Variants in BCL11B observed in about 807,000 individuals in gnomAD.
The protein encoded by BCL11B is BCL11 transcription factor B, also known as B-cell lymphoma/leukemia 11B.
BCL11B carries 8 observed loss-of-function variants against 49.9 expected under a neutral mutation model. That is an observed-to-expected ratio of 0.16 (90% CI 0.09 to 0.29). The LOEUF (loss-of-function observed/expected upper bound fraction) is 0.29, where lower values mean the gene tolerates loss of function less well. Among genes scored for constraint, BCL11B ranks in the 10% least tolerant of loss-of-function variants. BCL11B has a pLI of 1.00. For synonymous variants in BCL11B, 739 were observed against 637.4 expected (o/e 1.16, Z -2.40); for missense variants, 1,006 against 1,351.0 (o/e 0.74, Z 4.00).
At chr14:99,260,074 G>A (rs187863618) in intron 1 of BCL11B, among the ~76,000 whole-genome samples, 21 of 152,280 alleles carry the variant, frequency 1.4e-4, no homozygotes, top group South Asian at 6.2e-4. Flanking sequence ...TGTATTGTGC[G>A]CCATTTTTAC....
At chr14:99,199,190 T>C (rs1052491902) in intron 3 of BCL11B, among the ~76,000 whole-genome samples, 1 of 152,336 alleles carries the variant, frequency 6.6e-6, no homozygotes, top group East Asian at 1.9e-4. Flanking sequence ...TAATAAAAAC[T>C]GCTACAAACC....
At position 99,170,308 on chromosome 14, in the gene BCL11B, T is replaced by C; in HGVS notation, c.*3843A>G. On this transcript the variant is annotated 3_prime_UTR_variant, in exon 4 of 4. Transcript: ENST00000357195. ...TAAGTGGCAAGGAGGAAAGAGTGCA[T>C]CGAACAGAAAAGCTTCTGCATTTGG... The C allele has an allele frequency of 4.5e-6, 1 of 220,866 alleles. No individual in the cohort carries two copies. The highest frequency in any genetic ancestry group is 9.1e-6 in the Non-Finnish European group (1 of 110,238). The allele number at this position is 220,866 out of a possible 1,614,324, so 13.7% of individuals were successfully genotyped here. A position where few individuals can be genotyped will look rare whatever the true frequency, so the allele number is the denominator to read the frequency against.
chr14:99,263,334 C>CAT (rs1889391609), intron 1 of BCL11B: 1 of 153,324 alleles, frequency 6.5e-6, no homozygotes, highest in Non-Finnish European at 1.5e-5. Context: ...CCTCGATCGC[C>CAT]GTTTCTGACA....
At chr14:99,269,850 G>A (rs1266182269) in intron 1 of BCL11B, among the ~76,000 whole-genome samples, 2 of 112,332 alleles carry the variant, frequency 1.8e-5, no homozygotes, top group East Asian at 3.1e-4. Flanking sequence ...ATGGCACCCA[G>A]AGGATGTTTT....
Position 99,170,477 on chromosome 14 carries a change from T to A in BCL11B, c.*3674A>T, listed in dbSNP as rs1439282502. 1 of 228,018 alleles carries A rather than the reference T, an allele frequency of 4.4e-6. No individual in the cohort carries two copies. The highest frequency in any genetic ancestry group is 6.3e-5 in the East Asian group (1 of 15,890). The allele number at this position is 228,018 out of a possible 1,614,324, so 14.1% of individuals were successfully genotyped here. On this transcript the variant is annotated 3_prime_UTR_variant, in exon 4 of 4. Transcript: ENST00000357195. ...ATTCCCTCATCCAAAAGACCACCAC[T>A]TTATCTTAAAGCTACTTGGCTTTAC...
At chr14:99,200,895 G>GTCCACA (rs1887360818) in intron 3 of BCL11B, among the ~76,000 whole-genome samples, 1 of 152,206 alleles carries the variant, frequency 6.6e-6, no homozygotes, top group Non-Finnish European at 1.5e-5. Flanking sequence ...AAACTGCATG[G>GTCCACA]GAAGCAGCCC....
chr14:99,190,338 A>C (rs1213021919), intron 3 of BCL11B, among the ~76,000 whole-genome samples: 1 of 152,052 alleles, frequency 6.6e-6, no homozygotes, highest in Non-Finnish European at 1.5e-5. Context: ...AATACAAAAA[A>C]ACTAGCCAGG....
chr14:99,269,940 A>G (rs1487335863), intron 1 of BCL11B, among the ~76,000 whole-genome samples: 2 of 148,816 alleles, frequency 1.3e-5, no homozygotes, highest in Non-Finnish European at 3.0e-5. Flanking sequence ...CGCGAGAGAA[A>G]GAACGGCGGG....
At chr14:99,223,901 G>A (rs1316587107) in intron 3 of BCL11B, among the ~76,000 whole-genome samples, 1 of 152,194 alleles carries the variant, frequency 6.6e-6, no homozygotes, top group Admixed American at 6.5e-5. Flanking sequence ...GGGAGCACCC[G>A]AGCAGCAGCC....
At chr14:99,256,807 C>G (rs181654285) in intron 2 of BCL11B, among the ~76,000 whole-genome samples, 1 of 152,296 alleles carries the variant, frequency 6.6e-6, no homozygotes, top group East Asian at 1.9e-4. Flanking sequence ...CCAACCTCCC[C>G]CAACGGGCAC....
intron 2 of BCL11B, among the ~76,000 whole-genome samples, chr14:99,244,230 G>A (rs988524572): frequency 6.6e-5 from 10 of 152,008 alleles, no homozygotes; most frequent in African/African-American, 2.4e-4. Flanking sequence ...CTCCCTCAGT[G>A]TACCAGCCAA....
At chr14:99,181,501 T>C (rs1886700839) in intron 3 of BCL11B, among the ~76,000 whole-genome samples, 1 of 152,164 alleles carries the variant, frequency 6.6e-6, no homozygotes, top group African/African-American at 2.4e-5. Flanking sequence ...CAGCCCCGCC[T>C]CGGCACACAG....
At chr14:99,269,734 T>G (rs1003030773) in intron 1 of BCL11B, among the ~76,000 whole-genome samples, 25 of 150,622 alleles carry the variant, frequency 1.7e-4, no homozygotes, top group Non-Finnish European at 3.4e-4. Flanking sequence ...GCCAGTCCTC[T>G]GCGGTGACTG....
rs532783857 is a variant in BCL11B, at chr14:99,203,399, G to A, written c.641-27204C>T. Among the ~76,000 whole-genome samples, 8 of 152,294 alleles carry A rather than the reference G, an allele frequency of 5.3e-5. No individual in the cohort carries two copies. The South Asian group carries it at 1.7e-3, about 32-fold the overall frequency. ...TGGCAGGATGCTGACATGCATGCCT[G>A]GGGCCAACAGAACACTGACACTGAA... On this transcript the variant is annotated intron_variant, in intron 3 of 3. Transcript: ENST00000357195.
chr14:99,198,661 C>T (rs1296245506), intron 3 of BCL11B, among the ~76,000 whole-genome samples: 1 of 152,124 alleles, frequency 6.6e-6, no homozygotes, highest in Non-Finnish European at 1.5e-5. Flanking sequence ...CATTCTCAGC[C>T]ATACCCCCAG....
At chr14:99,237,507 C>T (rs1268559776) in intron 2 of BCL11B, among the ~76,000 whole-genome samples, 4 of 152,088 alleles carry the variant, frequency 2.6e-5, no homozygotes, top group South Asian at 2.1e-4. Context: ...CCAGGCAGGG[C>T]GATGGAGCTC....
rs561755802 is a variant in BCL11B, at chr14:99,271,307, C to T, written c.-89G>A. 4.5e-5 allele frequency: 39 copies of T among 868,114 alleles called. 2 individuals are homozygous for T. The South Asian group carries it at 1.1e-3, about 25-fold the overall frequency. 53.8% of individuals were successfully genotyped at this position (868,114 alleles called of 1,614,324 possible). ...GGTCCGAGCCGCCGCCGCGCCGCTGCCGCCGCTGCCGCCGCCGCCGCCGCC... is the reference window on the plus strand; with the variant it reads ...GGTCCGAGCCGCCGCCGCGCCGCTGTCGCCGCTGCCGCCGCCGCCGCCGCC... On this transcript the variant is annotated 5_prime_UTR_variant, in exon 1 of 4. Transcript: ENST00000357195.
At chr14:99,270,992 C>T (rs944848446) in intron 1 of BCL11B, among the ~76,000 whole-genome samples, 169 bp downstream of exon 1, 1 of 151,768 alleles carries the variant, frequency 6.6e-6, no homozygotes, top group Non-Finnish European at 1.5e-5. Context: ...AAGAAACTTT[C>T]CTATGGCCCC....
At position 99,248,989 on chromosome 14, in the gene BCL11B, G is replaced by A. The variant is rs1408433588; in HGVS notation, c.427+8482C>T. 6.6e-6 allele frequency among the ~76,000 whole-genome samples: 1 copy of A among 152,180 alleles called. No homozygotes were observed. Among genetic ancestry groups the A allele is most frequent in the Non-Finnish European group, 1.5e-5 (1 of 68,038 alleles). ...CTGGACTCAACAGGGCCACTTGCCT[G>A]TAACTCATGACGAGGTGGGGGCCAG... On this transcript the variant is annotated intron_variant, in intron 2 of 3. Coordinates refer to ENST00000357195, the MANE Select transcript of BCL11B (RefSeq NM_138576.4). The surrounding 1 kb of genome is among the most constrained non-coding windows in gnomAD (Gnocchi z 4.7).
Sources: gnomAD v4.1 joint callset for allele counts (sites outside exome capture counted in the v4.1 genomes callset) on GRCh38, gnomAD v4.1.1 for gene constraint, Gnocchi (gnomAD v3.1) non-coding constraint, MANE v1.5 for transcripts, NCBI Gene and HGNC (gene_info 2026-07-23, HGNC 2026-07-21) for gene names.